The following MAD1L1 variants were observed in gnomAD, a reference collection of about 807,000 sequenced individuals.
The protein encoded by MAD1L1 is mitotic arrest deficient 1 like 1.
MAD1L1 carries 95 observed loss-of-function variants against 96.9 expected under a neutral mutation model. The ratio of observed to expected loss-of-function variants is 0.98; its 90% CI spans 0.83 to 1.16. The LOEUF (loss-of-function observed/expected upper bound fraction) is 1.16, where lower values mean the gene tolerates loss of function less well. Ranked by LOEUF, MAD1L1 falls within the 50% of genes most tolerant of loss-of-function variation. The probability of loss-of-function intolerance (pLI) is 0.00; values close to 1 mark genes in which losing one functional copy is unlikely to be tolerated. For missense variants in MAD1L1, 1,007 were observed against 954.4 expected (o/e 1.06, Z -0.73); for synonymous variants, 473 against 396.6 (o/e 1.19, Z -2.29).
intron 10 of MAD1L1, among the ~76,000 whole-genome samples, chr7:2,159,948 C>T (rs187792129): frequency 2.0e-5 from 3 of 152,274 alleles, no homozygotes; most frequent in Admixed American, 1.3e-4. Context: ...AGAAGTCTGG[C>T]CAGGCGCAGT....
At chr7:2,154,969 G>T (rs1789751930) in intron 10 of MAD1L1, among the ~76,000 whole-genome samples, 2 of 152,206 alleles carry the variant, frequency 1.3e-5, no homozygotes, top group African/African-American at 4.8e-5. Flanking sequence ...GAACCAAGCG[G>T]GGTGGGGAGG....
Position 2,216,173 on chromosome 7 carries a change from C to G in MAD1L1, c.793G>C (p.Glu265Gln). 1 of 1,613,376 alleles carries G rather than the reference C, an allele frequency of 6.2e-7. No individual in the cohort carries two copies. Among genetic ancestry groups the G allele is most frequent in the Non-Finnish European group, 8.5e-7 (1 of 1,179,948 alleles). ...ACCCCTCACCGCAGGTGCGCGCTCT[C>G]CTCCCGCAGCTGCTTCAGCTCCCGT... Reference protein sequence around the residue: ...LERELKQLREESAHLREMRET... With the variant: ...LERELKQLREQSAHLREMRET... The change falls in exon 8 of 19, where the codon GAG (glutamate) becomes CAG (glutamine). Residue 265 changes from glutamate (E) to glutamine (Q), a missense_variant. Physicochemically the swap from Glu to Gln is conservative, Grantham distance 29. Transcript: ENST00000265854.
chr7:1,990,096 G>A (rs1254286304), intron 14 of MAD1L1, among the ~76,000 whole-genome samples: 1 of 152,248 alleles, frequency 6.6e-6, no homozygotes, highest in Admixed American at 6.5e-5. Context: ...CAGAGTGAGG[G>A]CGTCCACATG....
chr7:2,062,106 G>A (rs1316148653), intron 12 of MAD1L1, among the ~76,000 whole-genome samples: 1 of 151,904 alleles, frequency 6.6e-6, no homozygotes, highest in African/African-American at 2.4e-5. Flanking sequence ...GCTGGGTATA[G>A]TGACAGGCAC....
chr7:2,069,357 A>AG lies in MAD1L1; in HGVS notation c.1074-20dup, dbSNP rs1785022135. 6.4e-7 allele frequency: 1 copy of AG among 1,565,812 alleles called. No individual in the cohort carries two copies. Among genetic ancestry groups the AG allele is most frequent in the African/African-American group, 1.4e-5 (1 of 73,650 alleles). ...CCGGGCGCTGCATGGGAGAGACAAG[A>AG]GGGCAAAGCAATGAAGCCTGGGGTG... On this transcript the variant is annotated intron_variant, in intron 11 of 18. Transcript: ENST00000265854.
intron 17 of MAD1L1, among the ~76,000 whole-genome samples, chr7:1,916,717 G>C (rs1788422759): frequency 6.6e-6 from 1 of 152,120 alleles, no homozygotes; most frequent in South Asian, 2.1e-4. Context: ...CGGGTGTCTT[G>C]TTGCCTCCCT....
intron 18 of MAD1L1, among the ~76,000 whole-genome samples, chr7:1,894,286 G>C (rs1253889597): frequency 6.6e-6 from 1 of 152,210 alleles, no homozygotes; most frequent in East Asian, 1.9e-4. Context: ...GGGCAGCTCG[G>C]AGGAGGACTT....
intron 14 of MAD1L1, among the ~76,000 whole-genome samples, chr7:1,988,446 A>G (rs1781260183): frequency 6.6e-6 from 1 of 152,138 alleles, no homozygotes; most frequent in African/African-American, 2.4e-5. Flanking sequence ...GGGCCCCACC[A>G]ATGCAGTGAC....
At chr7:1,910,972 G>A (rs1200521005) in intron 17 of MAD1L1, among the ~76,000 whole-genome samples, 1 of 152,196 alleles carries the variant, frequency 6.6e-6, no homozygotes, top group Non-Finnish European at 1.5e-5. Context: ...GTGACCGGAG[G>A]CCCTGGCGGG....
intron 7 of MAD1L1, 132 bp downstream of exon 7, chr7:2,217,830 C>T (rs1793373470): frequency 5.3e-6 from 4 of 757,748 alleles, no homozygotes; most frequent in South Asian, 3.2e-5. Flanking sequence ...GCACAGTGCC[C>T]AACACACAGG....
chr7:1,839,856 C>A (rs2128631757), intron 18 of MAD1L1, among the ~76,000 whole-genome samples: 1 of 152,256 alleles, frequency 6.6e-6, no homozygotes, highest in East Asian at 1.9e-4. Context: ...CAGCAAGCCA[C>A]AGGTCCACCC....
rs192416547 is a variant in MAD1L1 at position 1,905,927 on chromosome 7, G to A, written c.1808-7537C>T. 8.6e-3 allele frequency among the ~76,000 whole-genome samples: 1,303 copies of A among 152,034 alleles called. 12 individuals carry two copies. Among genetic ancestry groups the A allele is most frequent in the Non-Finnish European group, 0.015 (1,052 of 67,988 alleles). ...TAGCCGGACGTGGTGGCGCACATCT[G>A]TAATCCCAGCTACTCGGGAGGCTGA... On this transcript the variant is annotated intron_variant, in intron 17 of 18. Coordinates refer to ENST00000265854, the MANE Select transcript of MAD1L1 (RefSeq NM_001013836.2).
At chr7:2,117,235 G>A (rs1236863750) in intron 11 of MAD1L1, among the ~76,000 whole-genome samples, 1 of 152,224 alleles carries the variant, frequency 6.6e-6, no homozygotes, top group African/African-American at 2.4e-5. Context: ...GGCTCTGCAG[G>A]GAAGCTGCAC....
intron 17 of MAD1L1, among the ~76,000 whole-genome samples, chr7:1,899,059 G>A (rs868244888): frequency 2.0e-5 from 3 of 152,194 alleles, no homozygotes; most frequent in African/African-American, 7.2e-5. Context: ...TCAGGCCATC[G>A]TGAGACGACA....
chr7:2,029,717 G>C (rs1373426549), intron 12 of MAD1L1, among the ~76,000 whole-genome samples: 1 of 152,112 alleles, frequency 6.6e-6, no homozygotes, highest in Non-Finnish European at 1.5e-5. Context: ...CTAACTTTCT[G>C]GCAGTGGGAG....
intron 18 of MAD1L1, among the ~76,000 whole-genome samples, chr7:1,880,433 G>T (rs1041664398): frequency 1.3e-5 from 2 of 152,160 alleles, no homozygotes; most frequent in Non-Finnish European, 2.9e-5. Flanking sequence ...AGGAAAGCTG[G>T]AGCCTCAGAA....
intron 18 of MAD1L1, among the ~76,000 whole-genome samples, chr7:1,894,828 G>C (rs994544113): frequency 2.0e-5 from 3 of 151,912 alleles, no homozygotes; most frequent in African/African-American, 7.3e-5. Flanking sequence ...GGTGGGGGTT[G>C]GGTGAGGCTG....
intron 11 of MAD1L1, among the ~76,000 whole-genome samples, chr7:2,145,185 G>A (rs1192964872): frequency 6.6e-6 from 1 of 152,186 alleles, no homozygotes; most frequent in African/African-American, 2.4e-5. Context: ...GAGAGCTGCT[G>A]CACCAGGCAC....
intron 12 of MAD1L1, among the ~76,000 whole-genome samples, chr7:2,064,826 AGGACAGCG>A (rs1435134231): frequency 4.2e-4 from 63 of 151,780 alleles, no homozygotes; most frequent in African/African-American, 1.5e-3. Flanking sequence ...GGCTTCTCCC[AGGACAGCG>A]GCTTCTCCTA....
Sources: gnomAD v4.1 joint callset for allele counts (sites outside exome capture counted in the v4.1 genomes callset) on GRCh38, gnomAD v4.1.1 for gene constraint, MANE v1.5 for transcripts, NCBI Gene and HGNC (gene_info 2026-07-23, HGNC 2026-07-21) for gene names.